ACSM3: variants seen among roughly 807,000 people sequenced by gnomAD.
ACSM3 encodes acyl-CoA synthetase medium chain family member 3.
In ACSM3, 61 loss-of-function variants were observed where a neutral mutation model predicts 74.1. The observed-to-expected ratio is 0.82, with a 90% CI of 0.67 to 1.02. The LOEUF is 1.02. Among genes scored for constraint, ACSM3 ranks in the 50% least tolerant of loss-of-function variants. ACSM3 has a pLI of 0.00. For missense variants in ACSM3, 660 were observed against 697.0 expected (o/e 0.95, Z 0.60); for synonymous variants, 213 against 241.5 (o/e 0.88, Z 1.09).
rs1179995551 is a variant in ACSM3 at position 20,774,279 on chromosome 16, G to A, written c.220-1560G>A. ...TTTTTTTGAGACAGCGTCTCACTCT[G>A]TCACCAGGCTGGAGTGCAGTGGCAC... On this transcript the variant is annotated intron_variant, in intron 2 of 13. Transcript: ENST00000289416. Among the ~76,000 whole-genome samples, 4 of 118,872 alleles carry A rather than the reference G, an allele frequency of 3.4e-5. No homozygotes were observed. The Admixed American group carries it at 4.5e-4, about 13-fold the overall frequency. 78.0% of individuals were successfully genotyped at this position (118,872 alleles called of 152,430 possible).
chr16:20,723,207 A>C (rs1328766498), intron 1 of ACSM3, among the ~76,000 whole-genome samples: 1 of 152,206 alleles, frequency 6.6e-6, no homozygotes, highest in Non-Finnish European at 1.5e-5. Context: ...TACAAAGGAC[A>C]TGAACTCATC....
At chr16:20,706,393 A>G (rs2079728370) in intron 1 of ACSM3, among the ~76,000 whole-genome samples, 1 of 152,244 alleles carries the variant, frequency 6.6e-6, no homozygotes, top group African/African-American at 2.4e-5. Flanking sequence ...AAACAAAGGA[A>G]GCTAGGAAGT....
upstream of ACSM3, among the ~76,000 whole-genome samples, chr16:20,762,828 A>G (rs1040560035): frequency 6.6e-6 from 1 of 152,236 alleles, no homozygotes; most frequent in African/African-American, 2.4e-5. Flanking sequence ...CTAACCATGA[A>G]AGACTGAATG....
upstream of ACSM3, among the ~76,000 whole-genome samples, chr16:20,760,258 T>C (rs1302096021): frequency 6.6e-6 from 1 of 152,168 alleles, no homozygotes; most frequent in Non-Finnish European, 1.5e-5. Context: ...AAGCTGTCTC[T>C]TGTGGGGAAA....
chr16:20,711,314 A>G (rs56139896), intron 1 of ACSM3, among the ~76,000 whole-genome samples: 2,722 of 152,264 alleles, frequency 0.018, 78 homozygotes, highest in African/African-American at 0.062. Flanking sequence ...AAAATCTCTC[A>G]GGGATCAGAG....
intron 1 of ACSM3, among the ~76,000 whole-genome samples, chr16:20,692,973 A>G (rs2079668668): frequency 6.6e-6 from 1 of 152,020 alleles, no homozygotes; most frequent in African/African-American, 2.4e-5. Context: ...GTTTGAGACC[A>G]TCCTGGCTAA....
chr16:20,726,032 T>G (rs571763940), intron 1 of ACSM3, among the ~76,000 whole-genome samples: 89 of 151,572 alleles, frequency 5.9e-4, no homozygotes, highest in Non-Finnish European at 1.1e-3. Flanking sequence ...AATTGTCCCC[T>G]AGTCTACAAA....
intron 1 of ACSM3, among the ~76,000 whole-genome samples, chr16:20,690,043 C>T (rs111266656): frequency 2.0e-5 from 3 of 152,334 alleles, no homozygotes; most frequent in African/African-American, 7.2e-5. Context: ...CATAACAATG[C>T]TCTCTGTAAC....
At chr16:20,780,890 C>T in intron 5 of ACSM3, 33 bp downstream of exon 5, 1 of 1,613,614 alleles carries the variant, frequency 6.2e-7, no homozygotes, top group Non-Finnish European at 8.5e-7. Flanking sequence ...CTTGAAGTGT[C>T]AAAACTGCAA....
chr16:20,789,702 T>TC (rs1464004474), intron 9 of ACSM3: 5 of 596,026 alleles, frequency 8.4e-6, no homozygotes, highest in Non-Finnish European at 1.5e-5. Flanking sequence ...TTTTTTTTTT[T>TC]TGAGATGGAG....
chr16:20,772,263 T>G (rs2080202107), intron 2 of ACSM3, among the ~76,000 whole-genome samples: 1 of 152,126 alleles, frequency 6.6e-6, no homozygotes, highest in Admixed American at 6.5e-5. Context: ...TAGTCCCATT[T>G]GTCTGTTTTT....
At chr16:20,755,987 T>C (rs923705133) in intron 3 of ACSM3, among the ~76,000 whole-genome samples, 14 of 152,170 alleles carry the variant, frequency 9.2e-5, no homozygotes, top group Non-Finnish European at 1.8e-4. Context: ...GGCTGCATAG[T>C]ATTCCATGGT....
chr16:20,736,636 C>A, intron 1 of ACSM3: 1 of 440,768 alleles, frequency 2.3e-6, no homozygotes, highest in Admixed American at 3.8e-5. Context: ...GGCCAACATC[C>A]CCCTCCTATC....
intron 1 of ACSM3, among the ~76,000 whole-genome samples, chr16:20,693,168 T>C (rs1447019171): frequency 7.5e-6 from 1 of 133,956 alleles, no homozygotes; most frequent in African/African-American, 2.8e-5. Context: ...AAATTCCGTC[T>C]CAAAAAAAAA....
intron 7 of ACSM3, 39 bp from the exon 8 acceptor site, chr16:20,784,945 T>A (rs1320175503): frequency 6.3e-7 from 1 of 1,583,304 alleles, no homozygotes; most frequent in South Asian, 1.1e-5. Context: ...TTCTCTCCAT[T>A]TTTCCTCCTA....
At chr16:20,759,134 T>G (rs1197352215), upstream of ACSM3, among the ~76,000 whole-genome samples, 1 of 152,156 alleles carries the variant, frequency 6.6e-6, no homozygotes, top group Non-Finnish European at 1.5e-5. Flanking sequence ...GTTAGAACTT[T>G]CTCTCCCACC....
At chr16:20,676,877 A>T (rs907829838) in intron 1 of ACSM3, among the ~76,000 whole-genome samples, 2 of 151,982 alleles carry the variant, frequency 1.3e-5, no homozygotes, top group Non-Finnish European at 2.9e-5. Context: ...ATAAAAAAAA[A>T]CCCTCCAGCC....
chr16:20,682,423 T>C (rs1322642874), intron 1 of ACSM3: 2 of 1,613,888 alleles, frequency 1.2e-6, no homozygotes, highest in Non-Finnish European at 1.7e-6. Flanking sequence ...AGAGAATGTC[T>C]TTGGCCTTCA....
At chr16:20,739,127 A>G (rs951097595) in intron 1 of ACSM3, 10 of 1,534,704 alleles carry the variant, frequency 6.5e-6, no homozygotes, top group South Asian at 2.4e-5. Flanking sequence ...TTTAAACACT[A>G]TAAGTAATTA....
Sources: gnomAD v4.1 joint callset for allele counts (sites outside exome capture counted in the v4.1 genomes callset) on GRCh38, gnomAD v4.1.1 for gene constraint, MANE v1.5 for transcripts, NCBI Gene and HGNC (gene_info 2026-07-23, HGNC 2026-07-21) for gene names.